RNF213: variants seen among roughly 807,000 people sequenced by gnomAD.
RNF213 encodes the protein E3 ubiquitin-protein ligase RNF213.
A neutral mutation model predicts 514.4 loss-of-function variants in RNF213; 341 were observed. That is an observed-to-expected ratio of 0.66 (90% CI 0.61 to 0.73). The LOEUF (loss-of-function observed/expected upper bound fraction) is 0.73, where lower values mean the gene tolerates loss of function less well. RNF213 is among the 30% of genes least tolerant of loss of function. RNF213 has a pLI of 0.00. For missense variants in RNF213, 5,767 were observed against 6,615.6 expected (o/e 0.87, Z 4.45); for synonymous variants, 2,655 against 2,658.2 (o/e 1.00, Z 0.04).
At chr17:80,295,882 G>A in intron 10 of RNF213, 69 bp downstream of exon 10, 1 of 1,566,322 alleles carries the variant, frequency 6.4e-7, no homozygotes, top group Non-Finnish European at 8.8e-7. Flanking sequence ...GCAAAAATAA[G>A]TGCTTGACTA....
chr17:80,379,692 C>T lies in RNF213; in HGVS notation c.13618C>T (p.Arg4540Trp), dbSNP rs530930845. The change falls in exon 55 of 68, where the codon CGG becomes TGG. Residue 4540 changes from arginine to tryptophan, a missense_variant. Arg to Trp is a moderately radical substitution (Grantham distance 101, BLOSUM62 -3). This residue lies in a region of RNF213 where 1,245 missense variants were observed against 1,339.0 expected (regional missense o/e 0.93). Transcript: ENST00000582970. ...GATTGGAGGCATTGACCACAAACCT[C>T]GGGACGGCTTTCATCTGGTCAAGTA... Reference protein sequence around the residue: ...APIGGIDHKPRDGFHLVKDKA... With the variant: ...APIGGIDHKPWDGFHLVKDKA... The T allele has an allele frequency of 5.6e-6, 9 of 1,614,176 alleles. No homozygotes were observed. The highest frequency in any genetic ancestry group is 1.3e-5 in the African/African-American group (1 of 75,056).
At chr17:80,304,103 T>G (rs2045275865) in intron 11 of RNF213, among the ~76,000 whole-genome samples, 1 of 152,014 alleles carries the variant, frequency 6.6e-6, no homozygotes, top group Admixed American at 6.6e-5. Flanking sequence ...TTAAATATCT[T>G]GAAAAGTCTG....
intron 20 of RNF213, among the ~76,000 whole-genome samples, chr17:80,328,944 T>G (rs2046345333): frequency 6.6e-6 from 1 of 152,264 alleles, no homozygotes; most frequent in Non-Finnish European, 1.5e-5. Flanking sequence ...TTCCACAGAA[T>G]TACATTTCCT....
At chr17:80,309,488 G>T (rs1162013235) in intron 14 of RNF213, among the ~76,000 whole-genome samples, 1 of 152,182 alleles carries the variant, frequency 6.6e-6, no homozygotes, top group African/African-American at 2.4e-5. Context: ...GCAACGCCAC[G>T]CGGAGAAGAC....
chr17:80,262,911 C>T (rs1429540271), intron 1 of RNF213, among the ~76,000 whole-genome samples: 1 of 152,190 alleles, frequency 6.6e-6, no homozygotes, highest in Non-Finnish European at 1.5e-5. Flanking sequence ...CAGTGGAGTT[C>T]TTTGGTTCCA....
At chr17:80,363,507 G>A (rs2079131330) in intron 40 of RNF213, 102 bp from the exon 41 acceptor site, 15 of 1,401,036 alleles carry the variant, frequency 1.1e-5, no homozygotes, top group East Asian at 4.6e-5. Context: ...AGTTTAGGTC[G>A]CAAGCCTGGG....
chr17:80,356,709 G>A (rs1167745535), intron 36 of RNF213, among the ~76,000 whole-genome samples: 1 of 152,226 alleles, frequency 6.6e-6, no homozygotes, highest in Non-Finnish European at 1.5e-5. Flanking sequence ...TTGTCCCAGC[G>A]CCTGGGTTTT....
At chr17:80,325,266 G>GGA in intron 18 of RNF213, 68 bp downstream of exon 18, 1 of 1,422,874 alleles carries the variant, frequency 7.0e-7, no homozygotes, top group Non-Finnish European at 9.4e-7. Context: ...GGGAAAGGTG[G>GGA]GAGGCAGAAG....
rs373267411 is a variant in RNF213 at position 80,286,201 on chromosome 17, G to C, written c.262-1614G>C. Among the ~76,000 whole-genome samples, 3 of 152,036 alleles carry C rather than the reference G, an allele frequency of 2.0e-5. No individual in the cohort carries two copies. In the South Asian group the frequency reaches 6.2e-4, roughly 32 times the overall value. ...GGGTTGGTGGCCTGGGGTTGGTGTC[G>C]GACGCAGGCCGGTGTTGGACGCAGG... On this transcript the variant is annotated intron_variant, in intron 3 of 67. Coordinates refer to ENST00000582970, the MANE Select transcript of RNF213 (RefSeq NM_001256071.3).
In RNF213 at chr17:80,332,504, G is replaced by A. The variant is rs754924582; in HGVS notation, c.4016G>A (p.Arg1339Gln). 1.6e-5 allele frequency: 25 copies of A among 1,536,986 alleles called. No homozygotes were observed. Among genetic ancestry groups the A allele is most frequent in the Non-Finnish European group, 2.0e-5 (23 of 1,146,836 alleles). ...HQDQRDWIKD[R>Q]VEQIKEYHHL... ...GACCAAAGAGATTGGATCAAGGACCGAGTCGAACAGATCAAGGAATACCAT... is the reference window on the plus strand; with the variant it reads ...GACCAAAGAGATTGGATCAAGGACCAAGTCGAACAGATCAAGGAATACCAT... Residue 1339 changes from arginine to glutamine, a missense_variant, in exon 21 of 68, where the codon CGA (arginine) becomes CAA (glutamine). This residue lies in a region of RNF213 where 516 missense variants were observed against 566.5 expected (regional missense o/e 0.91). Coordinates refer to ENST00000582970, the MANE Select transcript of RNF213 (RefSeq NM_001256071.3).
At chr17:80,367,514 G>A (rs191371799) in intron 42 of RNF213, among the ~76,000 whole-genome samples, 1 of 152,170 alleles carries the variant, frequency 6.6e-6, no homozygotes, top group African/African-American at 2.4e-5. Flanking sequence ...GACCTTAAAA[G>A]AAAAAGAAGA....
intron 15 of RNF213, among the ~76,000 whole-genome samples, chr17:80,314,248 T>C (rs1425111843): frequency 2.5e-4 from 27 of 107,672 alleles, no homozygotes; most frequent in Non-Finnish European, 4.8e-4. Context: ...GTGGAGGTAC[T>C]GGAGGTGATG....
chr17:80,389,041 C>T (rs1189352914), intron 64 of RNF213, 132 bp from the exon 65 acceptor site: 5 of 842,744 alleles, frequency 5.9e-6, no homozygotes, highest in Non-Finnish European at 9.8e-6. Flanking sequence ...ACCGTGCGCC[C>T]AAGTGTCAGC....
intron 2 of RNF213, among the ~76,000 whole-genome samples, chr17:80,266,590 C>T (rs1394647003): frequency 2.0e-5 from 3 of 152,036 alleles, no homozygotes; most frequent in Admixed American, 2.0e-4. Flanking sequence ...CAACCTTTAC[C>T]TCCCAGGTTC....
At chr17:80,280,972 TGTTGGTCAGG>T (rs1457781318) in intron 3 of RNF213, among the ~76,000 whole-genome samples, 2 of 151,824 alleles carry the variant, frequency 1.3e-5, no homozygotes, top group African/African-American at 4.8e-5. Context: ...GACCGGAGCG[TGTTGGTCAGG>T]GTGTATACAC....
In RNF213 at chr17:80,332,420, T is replaced by C; in HGVS notation, c.3932T>C (p.Val1311Ala). 1 of 1,537,162 alleles carries C rather than the reference T, an allele frequency of 6.5e-7. No homozygotes were observed. The part of the protein sequence containing the change: ...AEIDVIFKDF[V>A]NKYTDLDSEL... ...ATTGATGTCATCTTCAAGGACTTTG[T>C]GAATAAATACACGGACCTGGATTCA... is the stretch of plus-strand genomic sequence containing the variant. The change falls in exon 21 of 68, where the codon GTG becomes GCG. Residue 1311 changes from valine (V) to alanine (A), a missense_variant. Val to Ala is a moderately conservative substitution (Grantham distance 64, BLOSUM62 0). Transcript: ENST00000582970.
intron 26 of RNF213, among the ~76,000 whole-genome samples, chr17:80,342,210 A>G (rs2078173160): frequency 3.9e-5 from 6 of 152,200 alleles, no homozygotes; most frequent in South Asian, 4.1e-4. Context: ...TATTCCACCT[A>G]GCTCGGGTGT....
At chr17:80,329,054 A>G (rs2046347694) in intron 20 of RNF213, among the ~76,000 whole-genome samples, 1 of 152,172 alleles carries the variant, frequency 6.6e-6, no homozygotes, top group Non-Finnish European at 1.5e-5. Context: ...TTCCTTGAAG[A>G]TCATTGGTTT....
chr17:80,381,245 A>G, intron 56 of RNF213: 1 of 601,858 alleles, frequency 1.7e-6, no homozygotes, highest in Non-Finnish European at 3.0e-6. Flanking sequence ...GGGAGTAGAG[A>G]GGCTGACATC....
Sources: gnomAD v4.1 joint callset for allele counts (sites outside exome capture counted in the v4.1 genomes callset) on GRCh38, gnomAD v4.1.1 for gene constraint, gnomAD v4.1.1 regional missense constraint, MANE v1.5 for transcripts, NCBI Gene and HGNC (gene_info 2026-07-23, HGNC 2026-07-21) for gene names.